SKAP1: variants seen among roughly 807,000 people sequenced by gnomAD.
The protein encoded by SKAP1 is src kinase associated phosphoprotein 1.
SKAP1 carries 44 observed loss-of-function variants against 58.5 expected under a neutral mutation model. The observed-to-expected ratio is 0.75, with a 90% confidence interval of 0.59 to 0.97. SKAP1 has a LOEUF of 0.97. Ranked by LOEUF, SKAP1 falls within the 50% of genes least tolerant of loss-of-function variation. The pLI, the probability that SKAP1 is intolerant of heterozygous loss-of-function variation, is 0.00. For missense variants in SKAP1, 390 were observed against 435.2 expected (o/e 0.90, Z 0.92); for synonymous variants, 127 against 149.7 (o/e 0.85, Z 1.11).
At chr17:48,215,006 G>A (rs1385358863) in intron 4 of SKAP1, among the ~76,000 whole-genome samples, 2 of 141,400 alleles carry the variant, frequency 1.4e-5, no homozygotes, top group Non-Finnish European at 3.1e-5. Context: ...GGCTGGTCTC[G>A]AACTCCTGGG....
chr17:48,283,541 C>T (rs1173908019), intron 4 of SKAP1, among the ~76,000 whole-genome samples: 1 of 152,190 alleles, frequency 6.6e-6, no homozygotes, highest in East Asian at 1.9e-4. Context: ...GTCCAATCAA[C>T]CATACAGCAG....
intron 11 of SKAP1, among the ~76,000 whole-genome samples, chr17:48,158,910 G>A (rs1254995170): frequency 6.6e-6 from 1 of 151,330 alleles, no homozygotes; most frequent in African/African-American, 2.4e-5. Flanking sequence ...GCAGTGAGCC[G>A]AGATCGCGCC....
intron 4 of SKAP1, among the ~76,000 whole-genome samples, chr17:48,222,204 T>C (rs1290157400): frequency 6.6e-6 from 1 of 152,102 alleles, no homozygotes; most frequent in Non-Finnish European, 1.5e-5. Flanking sequence ...AAAAAGAGCT[T>C]GGTCTAAAGG....
intron 4 of SKAP1, among the ~76,000 whole-genome samples, chr17:48,228,320 A>C (rs527992389): frequency 1.6e-3 from 243 of 152,346 alleles, no homozygotes; most frequent in African/African-American, 5.6e-3. Flanking sequence ...TAAAAAACGC[A>C]ATATAGAACA....
At chr17:48,137,816 C>T (rs1360094413) in intron 11 of SKAP1, among the ~76,000 whole-genome samples, 1 of 152,188 alleles carries the variant, frequency 6.6e-6, no homozygotes, top group Admixed American at 6.5e-5. Context: ...GAGTAATGGG[C>T]TTTGGAGTCA....
intron 4 of SKAP1, among the ~76,000 whole-genome samples, chr17:48,330,324 G>A (rs2066489605): frequency 6.6e-6 from 1 of 152,022 alleles, no homozygotes; most frequent in Non-Finnish European, 1.5e-5. Context: ...ACCATTATTT[G>A]GGAGTTTTTA....
chr17:48,380,379 G>T (rs1381746804), intron 2 of SKAP1: 1 of 152,190 alleles, frequency 6.6e-6, no homozygotes, highest in African/African-American at 2.4e-5. Context: ...CTGCTGGAAA[G>T]ATTTTCCCTT....
intron 3 of SKAP1, 23 bp downstream of exon 3, chr17:48,363,766 A>G (rs1263480544): frequency 6.3e-7 from 1 of 1,595,362 alleles, no homozygotes; most frequent in East Asian, 2.2e-5. Flanking sequence ...GCATAAAACC[A>G]TACGTGGTCA....
chr17:48,150,575 TC>T (rs2063890271), intron 11 of SKAP1, among the ~76,000 whole-genome samples: 1 of 152,222 alleles, frequency 6.6e-6, no homozygotes, highest in Non-Finnish European at 1.5e-5. Flanking sequence ...CCCAGTCCGT[TC>T]CATTTTCATT....
intron 11 of SKAP1, among the ~76,000 whole-genome samples, chr17:48,154,119 G>A (rs1420423198): frequency 2.0e-5 from 3 of 152,158 alleles, no homozygotes; most frequent in Non-Finnish European, 4.4e-5. Flanking sequence ...TGAGGAAGTA[G>A]GTGGAGAAAA....
the SKAP1 span, among the ~76,000 whole-genome samples, chr17:48,441,275 T>C: frequency 3.3e-5 from 5 of 152,122 alleles, no homozygotes; most frequent in Non-Finnish European, 7.4e-5. Flanking sequence ...TGGAAGGAAC[T>C]TTAGAAACCC....
chr17:48,439,239 A>T, the SKAP1 span, among the ~76,000 whole-genome samples: 1 of 152,258 alleles, frequency 6.6e-6, no homozygotes, highest in East Asian at 1.9e-4. Context: ...ATTTTGCATC[A>T]TGAGACTATT....
intron 2 of SKAP1, among the ~76,000 whole-genome samples, chr17:48,373,559 TTAGA>T (rs945252130): frequency 1.1e-4 from 16 of 152,348 alleles, no homozygotes; most frequent in African/African-American, 3.6e-4. Flanking sequence ...AGTTGTTTTG[TTAGA>T]TAGCCTATGG....
chr17:48,317,907 G>T (rs1371289667), intron 4 of SKAP1, among the ~76,000 whole-genome samples: 1 of 151,878 alleles, frequency 6.6e-6, no homozygotes, highest in Non-Finnish European at 1.5e-5. Context: ...AAAATAAAAT[G>T]GAGTTAAATC....
chr17:48,237,696 T>G (rs958433309), intron 4 of SKAP1, among the ~76,000 whole-genome samples: 6 of 152,168 alleles, frequency 3.9e-5, no homozygotes, highest in South Asian at 2.1e-4. Context: ...AACTTTGAAC[T>G]AAGGCAAGAG....
chr17:48,379,415 A>C (rs1292466057), intron 2 of SKAP1, among the ~76,000 whole-genome samples: 6 of 152,218 alleles, frequency 3.9e-5, no homozygotes, highest in African/African-American at 1.4e-4. Context: ...TGAATCAATA[A>C]ATAACAGAAT....
intron 4 of SKAP1, among the ~76,000 whole-genome samples, chr17:48,276,096 C>A (rs2065696205): frequency 6.6e-6 from 1 of 152,122 alleles, no homozygotes. Flanking sequence ...TAACTATCAA[C>A]CGTAGGTGAC....
At chr17:48,309,068 T>C (rs975702352) in intron 4 of SKAP1, among the ~76,000 whole-genome samples, 3 of 152,182 alleles carry the variant, frequency 2.0e-5, no homozygotes, top group South Asian at 2.1e-4. Flanking sequence ...TCAAGAACTT[T>C]AAAAAATTAG....
intron 11 of SKAP1, among the ~76,000 whole-genome samples, chr17:48,161,248 T>G (rs539603105): frequency 6.6e-6 from 1 of 151,778 alleles, no homozygotes; most frequent in Non-Finnish European, 1.5e-5. Context: ...TACTGACACA[T>G]AAAAAAAAGA....
Sources: gnomAD v4.1 joint callset for allele counts (sites outside exome capture counted in the v4.1 genomes callset) on GRCh38, gnomAD v4.1.1 for gene constraint, MANE v1.5 for transcripts, NCBI Gene and HGNC (gene_info 2026-07-23, HGNC 2026-07-21) for gene names.